The following MYOCD variants were observed in gnomAD, a reference collection of about 807,000 sequenced individuals.
MYOCD encodes myocardin.
In MYOCD, 32 loss-of-function variants were observed where a neutral mutation model predicts 96.1. The ratio of observed to expected loss-of-function variants is 0.33; its 90% CI spans 0.25 to 0.45. The LOEUF is 0.45. Among genes scored for constraint, MYOCD ranks in the 20% least tolerant of loss-of-function variants. The pLI is 1.00. For synonymous variants in MYOCD, 469 were observed against 469.0 expected (o/e 1.00, Z 0.00); for missense variants, 1,133 against 1,200.6 (o/e 0.94, Z 0.83).
intron 7 of MYOCD, among the ~76,000 whole-genome samples, chr17:12,741,190 GGAT>G (rs1219308855): frequency 6.6e-6 from 1 of 152,150 alleles, no homozygotes; most frequent in Non-Finnish European, 1.5e-5. Flanking sequence ...ATGGTCTAAT[GGAT>G]GATAGACACT....
At chr17:12,747,433 T>C (rs1453524035) in intron 9 of MYOCD, among the ~76,000 whole-genome samples, 3 of 151,962 alleles carry the variant, frequency 2.0e-5, no homozygotes, top group African/African-American at 7.3e-5. Flanking sequence ...TTTGGGAAAG[T>C]CAAGTCGCGG....
intron 7 of MYOCD, among the ~76,000 whole-genome samples, chr17:12,741,140 T>G (rs1258455064): frequency 6.6e-6 from 1 of 152,208 alleles, no homozygotes; most frequent in Non-Finnish European, 1.5e-5. Context: ...TAAAAAAGAT[T>G]GTAAATTGAA....
rs751322425 is a variant in MYOCD, at chr17:12,752,704, G to A, written c.1416G>A (p.Pro472=). The change falls in exon 10 of 14, where the codon CCG becomes CCA. Residue 472 remains proline, a synonymous_variant. Coordinates refer to ENST00000425538, the MANE Select transcript of MYOCD (RefSeq NM_001146312.3). ...ACCTGTCAGTCGCTGGGTCCCTGCCGGACACCTTCAATGATGCCTCCCCCT... is the reference window on the plus strand; with the variant it reads ...ACCTGTCAGTCGCTGGGTCCCTGCCAGACACCTTCAATGATGCCTCCCCCT... ...SSDLSVAGSL[P]DTFNDASPSF... 27 of 1,613,956 alleles carry A rather than the reference G, an allele frequency of 1.7e-5. No individual in the cohort carries two copies. Among genetic ancestry groups the A allele is most frequent in the Middle Eastern group, 3.3e-4 (2 of 6,084 alleles).
At chr17:12,747,784 C>A (rs2032710032) in intron 9 of MYOCD, among the ~76,000 whole-genome samples, 1 of 151,640 alleles carries the variant, frequency 6.6e-6, no homozygotes, top group Non-Finnish European at 1.5e-5. Flanking sequence ...AGGAAAAGAA[C>A]ACTGAGAGAA....
chr17:12,735,753 C>T (rs190619759), intron 5 of MYOCD, among the ~76,000 whole-genome samples: 4 of 152,168 alleles, frequency 2.6e-5, no homozygotes, highest in South Asian at 2.1e-4. Context: ...GCTGTCATCT[C>T]GATTCCATCT....
At chr17:12,737,461 C>T (rs2032380348) in intron 6 of MYOCD, among the ~76,000 whole-genome samples, 1 of 152,078 alleles carries the variant, frequency 6.6e-6, no homozygotes. Context: ...CTGGTGGGCT[C>T]TAGAAGTATG....
intron 1 of MYOCD, among the ~76,000 whole-genome samples, chr17:12,668,419 C>G (rs574854236): frequency 5.4e-4 from 82 of 152,352 alleles, no homozygotes; most frequent in African/African-American, 1.9e-3. Context: ...ATTACAGCAA[C>G]AGACCCACTG....
At chr17:12,715,017 A>G (rs75324032) in intron 2 of MYOCD, among the ~76,000 whole-genome samples, 6,961 of 152,042 alleles carry the variant, frequency 0.046, 341 homozygotes, top group African/African-American at 0.12. Context: ...CAACACCCTT[A>G]GTTGCATGTT....
At chr17:12,703,994 G>A (rs1729614231) in intron 1 of MYOCD, among the ~76,000 whole-genome samples, 1 of 152,072 alleles carries the variant, frequency 6.6e-6, no homozygotes, top group African/African-American at 2.4e-5. Flanking sequence ...CTATTTTAAA[G>A]TATTTGTCTG....
chr17:12,750,395 G>A (rs1490495234), intron 9 of MYOCD, among the ~76,000 whole-genome samples: 3 of 151,954 alleles, frequency 2.0e-5, no homozygotes, highest in East Asian at 3.9e-4. Context: ...TTACAAACAC[G>A]TTGTAATTTT....
At chr17:12,732,333 G>A (rs979774984) in intron 5 of MYOCD, among the ~76,000 whole-genome samples, 2 of 151,928 alleles carry the variant, frequency 1.3e-5, no homozygotes, top group East Asian at 1.9e-4. Flanking sequence ...ATCATTTCTC[G>A]TCCACACGCC....
intron 10 of MYOCD, among the ~76,000 whole-genome samples, chr17:12,754,380 G>A (rs966107773): frequency 6.6e-6 from 1 of 152,212 alleles, no homozygotes; most frequent in Non-Finnish European, 1.5e-5. Flanking sequence ...GGGATTACAG[G>A]CGTGAGCCAC....
At chr17:12,684,856 A>C (rs905962272) in intron 1 of MYOCD, among the ~76,000 whole-genome samples, 1 of 152,034 alleles carries the variant, frequency 6.6e-6, no homozygotes. Context: ...AAAAAAAAAA[A>C]AAAAAAGAAT....
intron 12 of MYOCD, among the ~76,000 whole-genome samples, chr17:12,758,608 C>A (rs1478230086): frequency 2.0e-5 from 3 of 152,202 alleles, no homozygotes; most frequent in Non-Finnish European, 4.4e-5. Flanking sequence ...CAGGGTAATA[C>A]TTCCTAAGGT....
chr17:12,768,464 G>A lies in MYOCD; in HGVS notation c.*4820G>A, dbSNP rs529154222. ...GATTAAGACAAACCAACGCCAGAAG[G>A]TCTCCTGTGCTTATTTTAACCATCT... On this transcript the variant is annotated 3_prime_UTR_variant, in exon 14 of 14. Transcript: ENST00000425538. 6.6e-6 allele frequency: 1 copy of A among 152,170 alleles called. No homozygotes were observed. Among genetic ancestry groups the A allele is most frequent in the South Asian group, 2.1e-4 (1 of 4,820 alleles). The allele number at this position is 152,170 out of a possible 1,614,324, so 9.4% of individuals were successfully genotyped here.
At chr17:12,670,593 C>T (rs1909653751) in intron 1 of MYOCD, among the ~76,000 whole-genome samples, 1 of 152,112 alleles carries the variant, frequency 6.6e-6, no homozygotes, top group Non-Finnish European at 1.5e-5. Context: ...TAGTTTAGAA[C>T]AAATAATTTA....
Position 12,764,490 on chromosome 17 carries a change from G to A in MYOCD, c.*846G>A, listed in dbSNP as rs1389174492. The A allele has an allele frequency of 6.6e-6, 1 of 152,294 alleles. No homozygotes were observed. The highest frequency in any genetic ancestry group is 6.5e-5 in the Admixed American group (1 of 15,292). 9.4% of individuals were successfully genotyped at this position (152,294 alleles called of 1,614,324 possible). On this transcript the variant is annotated 3_prime_UTR_variant, in exon 14 of 14. Coordinates refer to ENST00000425538, the MANE Select transcript of MYOCD (RefSeq NM_001146312.3). ...CAGCCCCCTTTAGTTCCAAAGACTA[G>A]AGATGACCACATTGGTAGAAGTATA...
chr17:12,665,937 G>A lies in MYOCD; in HGVS notation c.-252G>A, dbSNP rs1909348292. On this transcript the variant is annotated 5_prime_UTR_variant, in exon 1 of 14. Transcript: ENST00000425538. The surrounding 1 kb of genome is among the most constrained non-coding windows in gnomAD (Gnocchi z 4.2). The stretch of plus-strand genomic sequence containing the variant: ...CAGACAGGAACGCCTGGGATGCCGC[G>A]CTGCTCCTGGCCAACCTCCGAGGAG... The A allele has an allele frequency of 1.3e-5, 7 of 523,748 alleles. No homozygotes were observed. The highest frequency in any genetic ancestry group is 1.3e-4 in the East Asian group (4 of 31,872). The allele number at this position is 523,748 out of a possible 1,614,324, so 32.4% of individuals were successfully genotyped here.
intron 9 of MYOCD, among the ~76,000 whole-genome samples, chr17:12,748,283 A>C (rs2032731848): frequency 6.6e-6 from 1 of 152,146 alleles, no homozygotes; most frequent in Non-Finnish European, 1.5e-5. Flanking sequence ...TCATATTTTA[A>C]GGTGTGATAA....
Sources: allele counts gnomAD v4.1 joint callset (sites outside exome capture counted in the v4.1 genomes callset), GRCh38; gene constraint gnomAD v4.1.1; non-coding constraint Gnocchi (gnomAD v3.1); transcripts MANE v1.5; gene names NCBI Gene and HGNC (gene_info 2026-07-23, HGNC 2026-07-21).